TENM3: variants seen among roughly 807,000 people sequenced by gnomAD.
The protein encoded by TENM3 is teneurin-3.
TENM3 carries 63 observed loss-of-function variants against 255.1 expected under a neutral mutation model. That is an observed-to-expected ratio of 0.25 (90% confidence interval 0.20 to 0.30). The LOEUF (loss-of-function observed/expected upper bound fraction) is 0.30. Among genes scored for constraint, TENM3 ranks in the 10% least tolerant of loss-of-function variants. TENM3 has a pLI of 1.00. For missense variants in TENM3, 2,929 were observed against 3,461.1 expected (o/e 0.85, Z 3.86); for synonymous variants, 1,306 against 1,322.3 (o/e 0.99, Z 0.27).
chr4:182,727,541 T>C (rs1487071030), intron 13 of TENM3, among the ~76,000 whole-genome samples: 2 of 152,054 alleles, frequency 1.3e-5, no homozygotes, highest in Non-Finnish European at 2.9e-5. Context: ...GATCATAACC[T>C]GAAACACTCA....
At chr4:181,760,999 C>CACACACACACACACACACACACACACAT in the TENM3 span, among the ~76,000 whole-genome samples, 2 of 145,524 alleles carry the variant, frequency 1.4e-5, no homozygotes, top group African/African-American at 5.2e-5. Context: ...CACACACACA[C>CACACACACACACACACACACACACACAT]ACACACACAC....
chr4:182,793,559 C>T lies in TENM3; in HGVS notation c.6887C>T (p.Ser2296Leu), dbSNP rs754948569. Residue 2296 changes from serine (S) to leucine (L), a missense_variant, in exon 26 of 28, where the codon TCG becomes TTG. Coordinates refer to ENST00000511685, the MANE Select transcript of TENM3 (RefSeq NM_001080477.4). This position sits in a 1 kb window ranked among gnomAD's most constrained non-coding sequence, Gnocchi z 5.7. ...AGTGGGGATGAATTCTATATTGCAT[C>T]GGATAACACAGGGACACCACTGGCT... ...ISSGDEFYIA[S>L]DNTGTPLAVF... 3.1e-6 allele frequency: 5 copies of T among 1,613,852 alleles called. No individual in the cohort carries two copies. Among genetic ancestry groups the T allele is most frequent in the Non-Finnish European group, 4.2e-6 (5 of 1,179,786 alleles).
At chr4:182,493,143 T>A (rs1735459349) in intron 3 of TENM3, among the ~76,000 whole-genome samples, 1 of 152,180 alleles carries the variant, frequency 6.6e-6, no homozygotes, top group African/African-American at 2.4e-5. Flanking sequence ...ATCAACTTTC[T>A]ACTCTTGTGG....
chr4:181,926,162 C>A, the TENM3 span, among the ~76,000 whole-genome samples: 11 of 152,234 alleles, frequency 7.2e-5, no homozygotes, highest in East Asian at 7.7e-4. Context: ...CCTGAAATTT[C>A]TATTATTAGA....
At chr4:182,521,823 A>G (rs982450044) in intron 3 of TENM3, among the ~76,000 whole-genome samples, 2 of 152,216 alleles carry the variant, frequency 1.3e-5, no homozygotes, top group Non-Finnish European at 2.9e-5. Context: ...GTTATAGTCC[A>G]TGACAGTTTT....
chr4:182,011,004 A>T, the TENM3 span, among the ~76,000 whole-genome samples: 4 of 152,240 alleles, frequency 2.6e-5, no homozygotes, highest in Middle Eastern at 3.2e-3. Flanking sequence ...CTTTGCAGAA[A>T]CTATCCTCTG....
At chr4:182,541,430 A>G (rs974930586) in intron 3 of TENM3, among the ~76,000 whole-genome samples, 5 of 152,194 alleles carry the variant, frequency 3.3e-5, no homozygotes, top group Admixed American at 6.5e-5. Flanking sequence ...CAAAAACACA[A>G]TCATCCAACA....
the TENM3 span, among the ~76,000 whole-genome samples, chr4:182,026,593 A>G: frequency 6.6e-6 from 1 of 152,100 alleles, no homozygotes. Context: ...TCATAGTTTG[A>G]GGTCTTAGAT....
chr4:181,756,411 A>G, the TENM3 span, among the ~76,000 whole-genome samples: 1 of 152,220 alleles, frequency 6.6e-6, no homozygotes, highest in African/African-American at 2.4e-5. Flanking sequence ...CCTCAAAACA[A>G]TGTAGCTTAT....
At chr4:182,367,933 C>A (rs569725561) in intron 3 of TENM3, among the ~76,000 whole-genome samples, 31 of 152,204 alleles carry the variant, frequency 2.0e-4, no homozygotes, top group Admixed American at 5.2e-4. Context: ...TAGAACAGGT[C>A]ATTCAGTGAC....
chr4:182,098,963 CTTTTTT>C, the TENM3 span, among the ~76,000 whole-genome samples: 5 of 131,230 alleles, frequency 3.8e-5, no homozygotes, highest in African/African-American at 1.4e-4. Flanking sequence ...CTCTTTTTTT[CTTTTTT>C]TTTTTTTTTT....
At chr4:182,164,888 G>C (rs1348160643) in intron 1 of TENM3, among the ~76,000 whole-genome samples, 1 of 152,114 alleles carries the variant, frequency 6.6e-6, no homozygotes, top group Non-Finnish European at 1.5e-5. Flanking sequence ...AAGTTCTGCT[G>C]TTCTATCATT....
At chr4:181,657,423 A>G in the TENM3 span, among the ~76,000 whole-genome samples, 2 of 152,206 alleles carry the variant, frequency 1.3e-5, no homozygotes, top group African/African-American at 2.4e-5. Context: ...AAAAATGCTC[A>G]GCATCACTAA....
intron 3 of TENM3, among the ~76,000 whole-genome samples, chr4:182,582,114 C>T (rs7436921): frequency 3.3e-5 from 5 of 152,306 alleles, no homozygotes; most frequent in Admixed American, 1.3e-4. Flanking sequence ...TCTGCTATCA[C>T]GGCTGGACTG....
chr4:181,789,698 G>A, the TENM3 span, among the ~76,000 whole-genome samples: 3 of 152,104 alleles, frequency 2.0e-5, no homozygotes, highest in Non-Finnish European at 2.9e-5. Context: ...ACCTCCAGGA[G>A]ATGCAGGGTC....
chr4:181,570,940 T>A, the TENM3 span, among the ~76,000 whole-genome samples: 2 of 152,282 alleles, frequency 1.3e-5, no homozygotes, highest in Non-Finnish European at 2.9e-5. Flanking sequence ...GGAAGAAGTG[T>A]CTTACTGTTC....
the TENM3 span, among the ~76,000 whole-genome samples, chr4:181,837,150 CTATCA>C: frequency 6.6e-6 from 1 of 151,938 alleles, no homozygotes; most frequent in East Asian, 1.9e-4. Flanking sequence ...GACATGTAGA[CTATCA>C]TATCATTTTT....
chr4:182,089,473 A>C, the TENM3 span, among the ~76,000 whole-genome samples: 5,285 of 152,186 alleles, frequency 0.035, 260 homozygotes, highest in East Asian at 0.16. Context: ...GAAAACTAAA[A>C]ATCAACCAAA....
chr4:182,342,013 T>A (rs1764516134), intron 2 of TENM3, among the ~76,000 whole-genome samples: 1 of 152,138 alleles, frequency 6.6e-6, no homozygotes, highest in Non-Finnish European at 1.5e-5. Flanking sequence ...CTGTGCAGAA[T>A]TAAAACCCTC....
Sources: allele counts gnomAD v4.1 joint callset (sites outside exome capture counted in the v4.1 genomes callset), GRCh38; gene constraint gnomAD v4.1.1; non-coding constraint Gnocchi (gnomAD v3.1); transcripts MANE v1.5; gene names NCBI Gene and HGNC (gene_info 2026-07-23, HGNC 2026-07-21).